Variants in UPRT observed in about 807,000 individuals in gnomAD.
UPRT encodes the protein RP11-311P8.3.
Under a neutral mutation model 22.6 loss-of-function variants are expected in UPRT, and 5 were observed. The ratio of observed to expected loss-of-function variants is 0.22; its 90% CI spans 0.12 to 0.47. The LOEUF (loss-of-function observed/expected upper bound fraction) is 0.47. UPRT is among the 20% of genes least tolerant of loss of function. The pLI is 0.99. For synonymous variants in UPRT, 77 were observed against 87.7 expected (o/e 0.88, Z 0.68); for missense variants, 181 against 239.9 (o/e 0.75, Z 1.62).
intron 4 of UPRT, among the ~76,000 whole-genome samples, chrX:75,171,651 GT>G (rs60258279): frequency 0.016 from 1,634 of 101,502 alleles, 35 homozygotes; most frequent in African/African-American, 0.056. Flanking sequence ...AAAGAAGGTT[GT>G]TTTTTTTTTT....
At chrX:75,263,929 G>A (rs1468158086) in intron 4 of UPRT, among the ~76,000 whole-genome samples, 3 of 109,070 alleles carry the variant, frequency 2.8e-5, no homozygotes, top group Admixed American at 2.0e-4. Context: ...CTTTGTTCTC[G>A]TTGGTTTCAA....
At chrX:75,190,359 A>T (rs1007766870) in intron 4 of UPRT, among the ~76,000 whole-genome samples, 6 of 111,738 alleles carry the variant, frequency 5.4e-5, no homozygotes, top group Admixed American at 3.8e-4. Flanking sequence ...TGTTAGTCTG[A>T]CGGGCTTTCG....
chrX:75,250,247 C>G (rs2082523841), intron 4 of UPRT, among the ~76,000 whole-genome samples: 1 of 109,952 alleles, frequency 9.1e-6, no homozygotes, highest in Admixed American at 9.8e-5. Flanking sequence ...AAAAAAAACC[C>G]TTCAAAAAAT....
chrX:75,272,624 A>G (rs1478886706), upstream of UPRT, among the ~76,000 whole-genome samples: 15 of 108,557 alleles, frequency 1.4e-4, no homozygotes, highest in Non-Finnish European at 2.5e-4. Flanking sequence ...GACTACAAAT[A>G]GGGTACAGTG....
At chrX:75,234,432 A>C (rs1307261037) in intron 4 of UPRT, among the ~76,000 whole-genome samples, 2 of 111,583 alleles carry the variant, frequency 1.8e-5, no homozygotes, top group African/African-American at 6.5e-5. Context: ...TGTACCAAGC[A>C]GACCTAAGAG....
intron 1 of UPRT, among the ~76,000 whole-genome samples, chrX:75,281,694 A>G (rs986142534): frequency 9.0e-5 from 10 of 111,632 alleles, no homozygotes; most frequent in Non-Finnish European, 1.3e-4. Flanking sequence ...TTTAGCATCT[A>G]TGTTCATCAA....
chrX:75,283,083 A>G (rs2082665096), intron 1 of UPRT, among the ~76,000 whole-genome samples: 1 of 111,941 alleles, frequency 8.9e-6, no homozygotes, highest in South Asian at 3.7e-4. Flanking sequence ...TTCTGATATA[A>G]CAACAGCTAC....
intron 4 of UPRT, among the ~76,000 whole-genome samples, chrX:75,195,848 A>C (rs1178541631): frequency 8.9e-6 from 1 of 112,031 alleles, no homozygotes; most frequent in African/African-American, 3.2e-5. Flanking sequence ...TTGGTGCTAG[A>C]TGTTCCTCCT....
chrX:75,189,507 G>T (rs187621191), intron 4 of UPRT, among the ~76,000 whole-genome samples: 1 of 111,869 alleles, frequency 8.9e-6, no homozygotes, highest in Non-Finnish European at 1.9e-5. Context: ...TCTGCTTGGT[G>T]CAGAGCTGAG....
intron 4 of UPRT, among the ~76,000 whole-genome samples, chrX:75,184,287 T>C (rs1410194217): frequency 8.9e-6 from 1 of 112,240 alleles, no homozygotes; most frequent in Non-Finnish European, 1.9e-5. Context: ...GGGAATCCTT[T>C]CCCCATTGCT....
At chrX:75,190,412 T>A (rs958779891) in intron 4 of UPRT, among the ~76,000 whole-genome samples, 1 of 111,949 alleles carries the variant, frequency 8.9e-6, no homozygotes, top group Non-Finnish European at 1.9e-5. Context: ...CCCTTAACAT[T>A]TTTTCCTTCA....
intron 4 of UPRT, among the ~76,000 whole-genome samples, chrX:75,261,306 G>A (rs1172704159): frequency 9.2e-6 from 1 of 109,119 alleles, no homozygotes; most frequent in Admixed American, 9.8e-5. Flanking sequence ...AAAAATCAAT[G>A]AATCCACAAT....
At chrX:75,283,946 T>C (rs1437988321) in intron 1 of UPRT, among the ~76,000 whole-genome samples, 2 of 111,966 alleles carry the variant, frequency 1.8e-5, no homozygotes, top group Non-Finnish European at 3.8e-5. Context: ...CTAGGTTTAG[T>C]TGTTTAACAT....
intron 4 of UPRT, among the ~76,000 whole-genome samples, chrX:75,265,256 AG>A (rs1357847179): frequency 3.6e-5 from 4 of 111,796 alleles, no homozygotes; most frequent in Non-Finnish European, 3.8e-5. Flanking sequence ...GTTCTCCTGG[AG>A]AATATCCTGC....
intron 4 of UPRT, among the ~76,000 whole-genome samples, chrX:75,234,976 C>A (rs1410953681): frequency 1.8e-5 from 2 of 111,134 alleles, no homozygotes; most frequent in Admixed American, 1.9e-4. Context: ...AAAAACCCTT[C>A]AAAAAATCAA....
intron 4 of UPRT, among the ~76,000 whole-genome samples, chrX:75,238,220 G>T (rs2082476246): frequency 9.0e-6 from 1 of 111,169 alleles, no homozygotes; most frequent in Non-Finnish European, 1.9e-5. Flanking sequence ...CCAAGTACCT[G>T]CTGTCTTCAA....
intron 4 of UPRT, among the ~76,000 whole-genome samples, chrX:75,190,730 A>G (rs774572544): frequency 9.0e-6 from 1 of 111,220 alleles, no homozygotes; most frequent in South Asian, 3.8e-4. Flanking sequence ...CATTCATTTG[A>G]TCTTCCATCG....
intron 4 of UPRT, among the ~76,000 whole-genome samples, chrX:75,239,454 T>TA (rs755359565): frequency 1.8e-5 from 2 of 110,473 alleles, no homozygotes; most frequent in East Asian, 2.8e-4. Context: ...GAAACAGTAA[T>TA]AAAAAAAATT....
intron 4 of UPRT, among the ~76,000 whole-genome samples, chrX:75,204,879 C>T (rs1426576429): frequency 3.6e-5 from 4 of 110,605 alleles, no homozygotes; most frequent in Non-Finnish European, 1.9e-5. Context: ...GAAGGGGGTC[C>T]AGCTCTCAGA....
Sources: gnomAD v4.1 joint callset for allele counts (sites outside exome capture counted in the v4.1 genomes callset) on GRCh38, gnomAD v4.1.1 for gene constraint, MANE v1.5 for transcripts, NCBI Gene and HGNC (gene_info 2026-07-23, HGNC 2026-07-21) for gene names.